The following CATSPERT variants were observed in gnomAD, a reference collection of about 807,000 sequenced individuals.
The protein encoded by CATSPERT is catsper channel auxiliary subunit tau.
At chr2:201,541,345 A>G in the CATSPERT span, among the ~76,000 whole-genome samples, 13 of 151,954 alleles carry the variant, frequency 8.6e-5, no homozygotes, top group Non-Finnish European at 1.6e-4. Context: ...CGCATACTAC[A>G]GAGAAATCCT....
the CATSPERT span, among the ~76,000 whole-genome samples, chr2:201,585,254 G>A: frequency 6.6e-6 from 1 of 151,966 alleles, no homozygotes; most frequent in Admixed American, 6.6e-5. Context: ...GGATAAGGGA[G>A]GGATAACCTT....
the CATSPERT span, among the ~76,000 whole-genome samples, chr2:201,607,621 G>GACACACACAC: frequency 6.6e-6 from 1 of 151,340 alleles, no homozygotes. Flanking sequence ...CAGCCTGGGG[G>GACACACACAC]ACACACACAC....
the CATSPERT span, among the ~76,000 whole-genome samples, chr2:201,525,423 A>G: frequency 6.6e-6 from 1 of 152,182 alleles, no homozygotes; most frequent in African/African-American, 2.4e-5. Context: ...GAACAAGGAT[A>G]AAACATACCA....
At chr2:201,564,363 A>G in the CATSPERT span, among the ~76,000 whole-genome samples, 20 of 152,234 alleles carry the variant, frequency 1.3e-4, no homozygotes, top group Admixed American at 1.3e-3. Context: ...TAAATTTTCA[A>G]GTACAATGTC....
the CATSPERT span, chr2:201,572,031 T>A: frequency 6.2e-6 from 9 of 1,450,808 alleles, no homozygotes; most frequent in African/African-American, 1.6e-5. Flanking sequence ...CTGAAAAAAA[T>A]GTAAGTGTAT....
the CATSPERT span, among the ~76,000 whole-genome samples, chr2:201,599,383 A>G: frequency 7.2e-5 from 11 of 152,138 alleles, no homozygotes; most frequent in Admixed American, 7.2e-4. Context: ...TTGAAATACT[A>G]ACTACTAACT....
the CATSPERT span, among the ~76,000 whole-genome samples, chr2:201,558,834 G>A: frequency 2.0e-5 from 3 of 152,140 alleles, no homozygotes; most frequent in Admixed American, 6.5e-5. Context: ...TCCAGCACTG[G>A]AGCGCCATCT....
chr2:201,549,147 T>A, the CATSPERT span, among the ~76,000 whole-genome samples: 1 of 152,160 alleles, frequency 6.6e-6, no homozygotes, highest in Admixed American at 6.5e-5. Context: ...TAACAAAGAT[T>A]AAAACCTGCA....
At chr2:201,506,941 C>T in the CATSPERT span, among the ~76,000 whole-genome samples, 1 of 152,192 alleles carries the variant, frequency 6.6e-6, no homozygotes, top group Admixed American at 6.5e-5. Flanking sequence ...ATGCATTGCA[C>T]TTAAAATTGA....
the CATSPERT span, among the ~76,000 whole-genome samples, chr2:201,602,065 T>C: frequency 6.6e-6 from 1 of 152,102 alleles, no homozygotes; most frequent in Admixed American, 6.5e-5. Flanking sequence ...ACAATATAAG[T>C]AAAAGAAGGT....
the CATSPERT span, among the ~76,000 whole-genome samples, chr2:201,522,528 G>GCA: frequency 6.6e-6 from 1 of 152,184 alleles, no homozygotes; most frequent in Non-Finnish European, 1.5e-5. Context: ...GGGTTGCCAA[G>GCA]CACAAGGACT....
the CATSPERT span, among the ~76,000 whole-genome samples, chr2:201,488,650 C>T: frequency 3.3e-5 from 5 of 152,066 alleles, no homozygotes; most frequent in African/African-American, 7.2e-5. Flanking sequence ...CAGCTCATCT[C>T]ATAATACTTT....
At chr2:201,590,700 T>C in the CATSPERT span, among the ~76,000 whole-genome samples, 1 of 152,178 alleles carries the variant, frequency 6.6e-6, no homozygotes, top group African/African-American at 2.4e-5. Flanking sequence ...AGATGGTATC[T>C]CATTGTGGTT....
At chr2:201,495,123 T>C in the CATSPERT span, among the ~76,000 whole-genome samples, 3 of 152,148 alleles carry the variant, frequency 2.0e-5, no homozygotes, top group South Asian at 2.1e-4. Flanking sequence ...CTCATTTACC[T>C]AAATATTTGC....
chr2:201,494,077 A>C, the CATSPERT span: 2 of 1,534,978 alleles, frequency 1.3e-6, no homozygotes, highest in African/African-American at 2.7e-5. Flanking sequence ...ATCTGCAGGA[A>C]TATTTTTAAT....
At chr2:201,516,960 T>C in the CATSPERT span, among the ~76,000 whole-genome samples, 1 of 149,082 alleles carries the variant, frequency 6.7e-6, no homozygotes, top group Non-Finnish European at 1.5e-5. Context: ...TTTCACCTCA[T>C]GTCAGGATTG....
At chr2:201,596,238 T>C in the CATSPERT span, among the ~76,000 whole-genome samples, 4 of 152,188 alleles carry the variant, frequency 2.6e-5, no homozygotes, top group African/African-American at 9.7e-5. Flanking sequence ...TGGAATACTA[T>C]GCAGCCATAA....
the CATSPERT span, among the ~76,000 whole-genome samples, chr2:201,609,273 G>C: frequency 6.6e-6 from 1 of 152,106 alleles, no homozygotes; most frequent in South Asian, 2.1e-4. Flanking sequence ...CTCAGCATTA[G>C]ACAGATCATC....
chr2:201,542,742 T>C, the CATSPERT span, among the ~76,000 whole-genome samples: 2 of 152,152 alleles, frequency 1.3e-5, no homozygotes, highest in Non-Finnish European at 2.9e-5. Context: ...TCCTTATATG[T>C]TTTGGAATAT....
Sources: allele counts gnomAD v4.1 joint callset (sites outside exome capture counted in the v4.1 genomes callset), GRCh38; gene constraint gnomAD v4.1.1; transcripts MANE v1.5; gene names NCBI Gene and HGNC (gene_info 2026-07-23, HGNC 2026-07-21).